FOXN3: variants seen among roughly 807,000 people sequenced by gnomAD.
FOXN3 encodes forkhead box N3.
FOXN3 carries 7 observed loss-of-function variants against 38.4 expected under a neutral mutation model. The observed-to-expected ratio is 0.18, with a 90% CI of 0.10 to 0.34. The LOEUF (loss-of-function observed/expected upper bound fraction) is 0.34, where lower values mean the gene tolerates loss of function less well. Among genes scored for constraint, FOXN3 ranks in the 10% least tolerant of loss-of-function variants. The pLI is 1.00. For synonymous variants in FOXN3, 230 were observed against 242.2 expected, an observed-to-expected ratio of 0.95 and a Z score of 0.47; for missense variants, 456 against 613.4, an observed-to-expected ratio of 0.74 and a Z score of 2.71.
intron 4 of FOXN3, among the ~76,000 whole-genome samples, chr14:89,256,914 A>G (rs1885641786): frequency 6.6e-6 from 1 of 152,220 alleles, no homozygotes; most frequent in South Asian, 2.1e-4. Context: ...CTGCAAGTCT[A>G]CTTTTCAAAG....
At chr14:89,521,627 A>G (rs1268175867) in intron 1 of FOXN3, among the ~76,000 whole-genome samples, 1 of 152,220 alleles carries the variant, frequency 6.6e-6, no homozygotes, top group Non-Finnish European at 1.5e-5. Context: ...AAACTTTCCA[A>G]ATTTAAAGAA....
chr14:89,176,940 G>T (rs970948795), intron 5 of FOXN3, among the ~76,000 whole-genome samples: 3 of 151,664 alleles, frequency 2.0e-5, no homozygotes, highest in African/African-American at 7.3e-5. Flanking sequence ...GTTCAGAATT[G>T]GTATTTGGAC....
intron 1 of FOXN3, among the ~76,000 whole-genome samples, chr14:89,432,942 AACTCCTG>A (rs1345559750): frequency 1.3e-5 from 2 of 152,018 alleles, no homozygotes; most frequent in Non-Finnish European, 2.9e-5. Context: ...TGACCTCCCA[AACTCCTG>A]GGATTACAGG....
At chr14:89,322,066 T>C (rs1406037742) in intron 3 of FOXN3, among the ~76,000 whole-genome samples, 1 of 152,228 alleles carries the variant, frequency 6.6e-6, no homozygotes, top group African/African-American at 2.4e-5. Flanking sequence ...CTGAGGTCCG[T>C]GGGTGCCAGG....
At chr14:89,426,903 G>T (rs888705931) in intron 1 of FOXN3, among the ~76,000 whole-genome samples, 45 of 152,090 alleles carry the variant, frequency 3.0e-4, no homozygotes, top group African/African-American at 1.1e-3. Context: ...GACAGGACCC[G>T]TGGGGTACAA....
In FOXN3 at chr14:89,162,709, G is replaced by T. The variant is rs369372657; in HGVS notation, c.1112C>A (p.Thr371Lys). The change falls in exon 6 of 6, where the codon ACG becomes AAG. Residue 371 changes from threonine to lysine, a missense_variant. Thr to Lys is a moderately conservative substitution (Grantham distance 78, BLOSUM62 -1). This residue lies in a region of FOXN3 where 386 missense variants were observed against 505.2 expected (regional missense o/e 0.76). Coordinates refer to ENST00000557258, the MANE Select transcript of FOXN3 (RefSeq NM_005197.4). This position sits in a 1 kb window ranked among gnomAD's most constrained non-coding sequence, Gnocchi z 7.2. ...GCTGTGCTTCCTGTCGTCCTCTTCCGTGTCGCTGGGGCTCTCGTGGCTCCG... is the reference window on the plus strand; with the variant it reads ...GCTGTGCTTCCTGTCGTCCTCTTCCTTGTCGCTGGGGCTCTCGTGGCTCCG... ...SFRSHESPSD[T>K]EEDDRKHSQK... The T allele has an allele frequency of 1.9e-6, 3 of 1,614,008 alleles. No individual in the cohort carries two copies. The highest frequency in any genetic ancestry group is 1.6e-4 in the Middle Eastern group (1 of 6,062).
At chr14:89,210,218 C>A (rs1888486088) in intron 4 of FOXN3, among the ~76,000 whole-genome samples, 1 of 152,214 alleles carries the variant, frequency 6.6e-6, no homozygotes, top group African/African-American at 2.4e-5. Context: ...AATGGTTCAG[C>A]ACCATCCCTT....
In FOXN3 at chr14:89,433,812, CA is replaced by C. The variant is rs770167740; in HGVS notation, c.-14-21323del. Among the ~76,000 whole-genome samples the C allele has an allele frequency of 3.6e-3, 334 of 91,780 alleles. 1 individual carries two copies. The highest frequency in any genetic ancestry group is 6.2e-3 in the African/African-American group (141 of 22,804). The allele number at this position is 91,780 out of a possible 152,430, so 60.2% of individuals were successfully genotyped here. ...GGGTGAAAGAGCGAAACTCTGTCTC[CA>C]AAAAAAAAAAAAGAAAAGAAACAGA... On this transcript the variant is annotated intron_variant, in intron 1 of 6. Coordinates refer to the FOXN3 transcript ENST00000345097.
chr14:89,312,284 CAAAAAA>C (rs59949946), intron 3 of FOXN3, among the ~76,000 whole-genome samples: 2 of 60,608 alleles, frequency 3.3e-5, no homozygotes, highest in Non-Finnish European at 5.6e-5. Context: ...GACTCGGTCT[CAAAAAA>C]AAAAAAAAAA....
At chr14:89,439,407 G>A (rs1389816028) in intron 1 of FOXN3, among the ~76,000 whole-genome samples, 9 of 152,104 alleles carry the variant, frequency 5.9e-5, no homozygotes, top group South Asian at 2.1e-4. Context: ...TAAAGAAGCC[G>A]GCCAAAACCT....
At chr14:89,351,639 G>A (rs986041534) in intron 2 of FOXN3, among the ~76,000 whole-genome samples, 11 of 152,192 alleles carry the variant, frequency 7.2e-5, no homozygotes, top group South Asian at 2.1e-4. Context: ...GCAGGCCGAC[G>A]GGCAATCGTT....
intron 1 of FOXN3, among the ~76,000 whole-genome samples, chr14:89,432,812 GT>G (rs1892188842): frequency 1.3e-5 from 2 of 152,186 alleles, no homozygotes; most frequent in South Asian, 4.2e-4. Flanking sequence ...CATTGGTTTG[GT>G]TTGAGTTTTG....
At chr14:89,506,279 G>A (rs2139798367) in intron 1 of FOXN3, among the ~76,000 whole-genome samples, 1 of 56,066 alleles carries the variant, frequency 1.8e-5, no homozygotes, top group East Asian at 3.8e-4. Context: ...GGGAGGTGGG[G>A]GGGTCAGCCC....
At chr14:89,542,549 T>G (rs1352010107) in intron 1 of FOXN3, among the ~76,000 whole-genome samples, 1 of 152,218 alleles carries the variant, frequency 6.6e-6, no homozygotes, top group Non-Finnish European at 1.5e-5. Context: ...GTCATTGCTT[T>G]TGTAGAACAG....
At chr14:89,324,933 C>T (rs189470563) in intron 3 of FOXN3, among the ~76,000 whole-genome samples, 23 of 152,284 alleles carry the variant, frequency 1.5e-4, no homozygotes, top group Admixed American at 1.3e-4. Context: ...TCCCAGGAAA[C>T]GCACACGTTG....
intron 1 of FOXN3, among the ~76,000 whole-genome samples, chr14:89,444,505 T>C (rs1451699332): frequency 6.6e-6 from 1 of 151,836 alleles, no homozygotes; most frequent in Non-Finnish European, 1.5e-5. Context: ...GGTGTAATAG[T>C]TGGCCTTTGA....
chr14:89,456,209 A>AC (rs1218310711), intron 1 of FOXN3, among the ~76,000 whole-genome samples: 2 of 151,572 alleles, frequency 1.3e-5, no homozygotes, highest in African/African-American at 4.8e-5. Flanking sequence ...AAAAAAAAAA[A>AC]AAAAACTAAC....
At chr14:89,291,317 G>A (rs944851617) in intron 3 of FOXN3, 9 of 521,594 alleles carry the variant, frequency 1.7e-5, no homozygotes, top group Admixed American at 6.5e-5. Context: ...GCATTCTCTC[G>A]GGGTTGTTGG....
intron 1 of FOXN3, among the ~76,000 whole-genome samples, chr14:89,496,360 C>G (rs1333743381): frequency 1.0e-5 from 1 of 98,670 alleles, no homozygotes; most frequent in African/African-American, 4.9e-5. Flanking sequence ...TTTCTTCTCC[C>G]AAGGCTTTAG....
Sources: allele counts gnomAD v4.1 joint callset (sites outside exome capture counted in the v4.1 genomes callset), GRCh38; gene constraint gnomAD v4.1.1; regional missense constraint gnomAD v4.1.1; non-coding constraint Gnocchi (gnomAD v3.1); transcripts MANE v1.5; gene names NCBI Gene and HGNC (gene_info 2026-07-23, HGNC 2026-07-21).